The following DYM variants were observed in gnomAD, a reference collection of about 807,000 sequenced individuals.
DYM encodes the protein dyggve-Melchior-Clausen syndrome protein.
A neutral mutation model predicts 93.1 loss-of-function variants in DYM; 78 were observed. The observed-to-expected ratio is 0.84, with a 90% CI of 0.70 to 1.01. The LOEUF is 1.01. DYM is among the 50% of genes least tolerant of loss of function. DYM has a pLI of 0.00. For synonymous variants in DYM, 321 were observed against 319.7 expected (o/e 1.00, Z -0.04); for missense variants, 789 against 845.0 (o/e 0.93, Z 0.82).
rs1360535260 is a variant in DYM, at chr18:49,292,339, G to GGC, written c.764-5724_764-5723insGC. Among the ~76,000 whole-genome samples the GGC allele has an allele frequency of 1.7e-4, 16 of 93,536 alleles. No homozygotes were observed. In the South Asian group the frequency reaches 3.8e-3, roughly 22 times the overall value. The allele number at this position is 93,536 out of a possible 152,430, so 61.4% of individuals were successfully genotyped here. A position where few individuals can be genotyped will look rare whatever the true frequency, so the allele number is the denominator to read the frequency against. Reference sequence around the variant, plus strand: ...AGGCAGGCAGGCAGGCAGGCAGGCAGACAGACAGACAGACAGACACACACA... The same window carrying GGC: ...AGGCAGGCAGGCAGGCAGGCAGGCAGGCACAGACAGACAGACAGACACACACA... On this transcript the variant is annotated intron_variant, in intron 8 of 17. Coordinates refer to ENST00000675505, the MANE Select transcript of DYM (RefSeq NM_001353214.3).
At chr18:49,375,456 A>T (rs1445023945) in intron 5 of DYM, among the ~76,000 whole-genome samples, 1 of 152,022 alleles carries the variant, frequency 6.6e-6, no homozygotes, top group Non-Finnish European at 1.5e-5. Flanking sequence ...CTATCCCCCA[A>T]AGTTAATGAG....
rs762638420 is a variant in DYM, at chr18:49,317,688, C to CCTTTCTTT, written c.763+14168_763+14175dup. ...TCCTTCCTTCCTTCCTTCCTTCCTT[C>CCTTTCTTT]CTTTCTTTCTTTCTTTCAAGCAATT... On this transcript the variant is annotated intron_variant, in intron 8 of 17. Coordinates refer to ENST00000675505, the MANE Select transcript of DYM (RefSeq NM_001353214.3). 1.1e-4 allele frequency among the ~76,000 whole-genome samples: 10 copies of CCTTTCTTT among 88,638 alleles called. 1 individual carries two copies. The highest frequency in any genetic ancestry group is 4.4e-4 in the African/African-American group (10 of 22,786). 58.1% of individuals were successfully genotyped at this position (88,638 alleles called of 152,430 possible). A position where few individuals can be genotyped will look rare whatever the true frequency, so the allele number is the denominator to read the frequency against.
chr18:49,080,970 A>T (rs2077938386), intron 17 of DYM, among the ~76,000 whole-genome samples: 1 of 145,752 alleles, frequency 6.9e-6, no homozygotes, highest in East Asian at 2.0e-4. Context: ...GGTGCTCCTC[A>T]CTTCCTAGAT....
At chr18:49,082,216 G>A (rs2078112257) in intron 17 of DYM, among the ~76,000 whole-genome samples, 1 of 152,260 alleles carries the variant, frequency 6.6e-6, no homozygotes, top group African/African-American at 2.4e-5. Context: ...ACTGTACTTG[G>A]TCCCAGGCTA....
chr18:49,345,901 T>A (rs2064551506), intron 6 of DYM, among the ~76,000 whole-genome samples: 1 of 152,068 alleles, frequency 6.6e-6, no homozygotes, highest in Non-Finnish European at 1.5e-5. Flanking sequence ...CAAAAACAAA[T>A]TAACAATGTC....
At chr18:49,086,940 A>G (rs1052423821) in intron 17 of DYM, among the ~76,000 whole-genome samples, 2 of 152,086 alleles carry the variant, frequency 1.3e-5, no homozygotes, top group Non-Finnish European at 2.9e-5. Flanking sequence ...GTGAGCTGAG[A>G]TCATGCCACC....
chr18:49,349,224 C>T (rs2064908027), intron 6 of DYM, among the ~76,000 whole-genome samples: 1 of 151,252 alleles, frequency 6.6e-6, no homozygotes, highest in South Asian at 2.1e-4. Flanking sequence ...AACAAACAAA[C>T]AAAACATAAA....
intron 14 of DYM, among the ~76,000 whole-genome samples, chr18:49,197,038 G>A (rs150788581): frequency 2.0e-5 from 3 of 152,262 alleles, no homozygotes; most frequent in African/African-American, 7.2e-5. Context: ...TTAGATGGTG[G>A]GCAGAAGCAA....
intron 17 of DYM, among the ~76,000 whole-genome samples, chr18:49,070,209 T>C (rs1297151220): frequency 1.3e-5 from 2 of 152,234 alleles, no homozygotes; most frequent in African/African-American, 2.4e-5. Context: ...GTGAGGTTGA[T>C]AGATATGTGA....
chr18:49,058,273 A>C (rs2075673874), intron 17 of DYM, among the ~76,000 whole-genome samples: 1 of 152,060 alleles, frequency 6.6e-6, no homozygotes, highest in Non-Finnish European at 1.5e-5. Flanking sequence ...ATATTTTATA[A>C]CACAGGCTCC....
chr18:49,182,386 T>C (rs1349795071), intron 14 of DYM, among the ~76,000 whole-genome samples: 1 of 152,224 alleles, frequency 6.6e-6, no homozygotes, highest in Non-Finnish European at 1.5e-5. Context: ...ATAACAAAGA[T>C]ATATTGAAAG....
chr18:49,261,626 C>T (rs372360980), intron 11 of DYM, among the ~76,000 whole-genome samples: 21 of 151,972 alleles, frequency 1.4e-4, no homozygotes, highest in African/African-American at 4.4e-4. Flanking sequence ...CCAGCCTGGA[C>T]GACAGAGAAG....
At chr18:49,044,586 G>C (rs113196744) in intron 17 of DYM, among the ~76,000 whole-genome samples, 1 of 152,250 alleles carries the variant, frequency 6.6e-6, no homozygotes, top group Non-Finnish European at 1.5e-5. Context: ...ACTGGCTTTT[G>C]AGAGGCACTG....
In DYM at chr18:49,209,694, C is replaced by T. The variant is rs1227756512; in HGVS notation, c.1482G>A (p.Arg494=). ...GTTTGTCCAACACATAAACATATCT[C>T]CGCAAGTGGCGGCAGGTATAACTGA... The part of the protein sequence containing the change: ...RIISYTCRHL[R]RYVYVLDKLY... The change falls in exon 14 of 18, where the codon CGG becomes CGA. Residue 494 remains arginine (R), a synonymous_variant. Transcript: ENST00000675505. 1.6e-6 allele frequency: 2 copies of T among 1,282,098 alleles called. No individual in the cohort carries two copies. The highest frequency in any genetic ancestry group is 2.0e-6 in the Non-Finnish European group (2 of 984,554). The allele number at this position is 1,282,098 out of a possible 1,614,324, so 79.4% of individuals were successfully genotyped here.
chr18:49,382,189 T>C (rs2068104503), intron 3 of DYM, among the ~76,000 whole-genome samples: 1 of 152,188 alleles, frequency 6.6e-6, no homozygotes. Context: ...ACCCGACTAC[T>C]TGATTGATGT....
At chr18:49,327,886 G>T (rs187779469) in intron 8 of DYM, among the ~76,000 whole-genome samples, 142 of 152,268 alleles carry the variant, frequency 9.3e-4, no homozygotes, top group Non-Finnish European at 1.8e-3. Flanking sequence ...GTTGGATGGC[G>T]CTCTGCTGGA....
At chr18:49,372,186 T>C (rs1238498646) in intron 5 of DYM, among the ~76,000 whole-genome samples, 1 of 152,204 alleles carries the variant, frequency 6.6e-6, no homozygotes, top group Non-Finnish European at 1.5e-5. Context: ...ATGGATGTCT[T>C]CAGCTACTGC....
chr18:49,392,829 T>C (rs2069442238), intron 2 of DYM, among the ~76,000 whole-genome samples: 1 of 150,516 alleles, frequency 6.6e-6, no homozygotes, highest in Non-Finnish European at 1.5e-5. Context: ...AACCCATCTC[T>C]ACTAAAAATA....
chr18:49,079,880 C>T (rs1314632830), intron 17 of DYM, among the ~76,000 whole-genome samples: 3 of 151,654 alleles, frequency 2.0e-5, no homozygotes, highest in Admixed American at 6.6e-5. Flanking sequence ...TCCACAAAAC[C>T]GCCATTGTCA....
Sources: gnomAD v4.1 joint callset for allele counts (sites outside exome capture counted in the v4.1 genomes callset) on GRCh38, gnomAD v4.1.1 for gene constraint, MANE v1.5 for transcripts, NCBI Gene and HGNC (gene_info 2026-07-23, HGNC 2026-07-21) for gene names.